EDIL3: variants seen among roughly 807,000 people sequenced by gnomAD.
EDIL3 encodes the protein EGF like and discoidin domains 3.
Under a neutral mutation model 67.4 loss-of-function variants are expected in EDIL3, and 37 were observed. The ratio of observed to expected loss-of-function variants is 0.55; its 90% confidence interval spans 0.42 to 0.72. The LOEUF is 0.72. Ranked by LOEUF, EDIL3 falls within the 30% of genes least tolerant of loss-of-function variation. The pLI is 0.00. For missense variants in EDIL3, 527 were observed against 586.3 expected (o/e 0.90, Z 1.04); for synonymous variants, 195 against 196.3 (o/e 0.99, Z 0.05).
chr5:84,207,779 A>T (rs1233191270), intron 3 of EDIL3, among the ~76,000 whole-genome samples: 29 of 152,166 alleles, frequency 1.9e-4, no homozygotes, highest in African/African-American at 7.0e-4. Context: ...CAAACCTGAA[A>T]AAAACAAGCA....
chr5:84,006,869 C>T (rs961705639), intron 9 of EDIL3, among the ~76,000 whole-genome samples: 2 of 151,768 alleles, frequency 1.3e-5, no homozygotes, highest in African/African-American at 4.8e-5. Context: ...AGCAAAGAAA[C>T]TTATATAAAA....
At chr5:84,377,307 CAAAAAAAAAAAAA>C (rs773972385) in intron 1 of EDIL3, among the ~76,000 whole-genome samples, 3 of 68,092 alleles carry the variant, frequency 4.4e-5, no homozygotes, top group Admixed American at 3.1e-4. Context: ...GACTCCGTCT[CAAAAAAAAAAAAA>C]AAAAAAGAGT....
intron 9 of EDIL3, among the ~76,000 whole-genome samples, chr5:83,989,089 T>C (rs1408882005): frequency 6.6e-6 from 1 of 152,218 alleles, no homozygotes; most frequent in Non-Finnish European, 1.5e-5. Context: ...TTAGCTTTCA[T>C]GTAGTTCAGG....
chr5:84,144,068 C>T (rs1205220832), intron 4 of EDIL3, among the ~76,000 whole-genome samples: 1 of 152,028 alleles, frequency 6.6e-6, no homozygotes, highest in East Asian at 1.9e-4. Flanking sequence ...TATCAATGCA[C>T]AAGTCATGCA....
intron 3 of EDIL3, among the ~76,000 whole-genome samples, chr5:84,192,089 T>C (rs1200953954): frequency 1.3e-5 from 2 of 152,030 alleles, no homozygotes; most frequent in African/African-American, 4.8e-5. Flanking sequence ...AAAAGATTAA[T>C]TGAAGTATTT....
At chr5:84,079,950 C>T (rs922270800) in intron 6 of EDIL3, among the ~76,000 whole-genome samples, 2 of 151,574 alleles carry the variant, frequency 1.3e-5, no homozygotes. Context: ...GCATCATGAA[C>T]ACACCTAAGG....
intron 9 of EDIL3, among the ~76,000 whole-genome samples, chr5:84,057,666 A>G (rs1746473419): frequency 6.6e-6 from 1 of 152,154 alleles, no homozygotes; most frequent in African/African-American, 2.4e-5. Flanking sequence ...GAAATTTTAA[A>G]TGTATCTTTT....
chr5:84,055,695 A>C (rs1014919974), intron 9 of EDIL3, among the ~76,000 whole-genome samples: 3 of 152,206 alleles, frequency 2.0e-5, no homozygotes, highest in African/African-American at 7.2e-5. Context: ...GCAGACAAAA[A>C]ACACATGAAA....
chr5:83,967,512 A>C (rs944564317), intron 9 of EDIL3, among the ~76,000 whole-genome samples: 25 of 152,248 alleles, frequency 1.6e-4, no homozygotes, highest in African/African-American at 6.0e-4. Flanking sequence ...GAGAGGATTA[A>C]ATGATTCAAC....
intron 1 of EDIL3, among the ~76,000 whole-genome samples, chr5:84,305,883 GTAAATAAATAAA>G (rs769566499): frequency 3.7e-4 from 51 of 138,762 alleles, no homozygotes; most frequent in Middle Eastern, 4.0e-3. Flanking sequence ...GGTCTTAAAA[GTAAATAAATAAA>G]TAAATAAATA....
At chr5:84,272,305 T>C (rs1430465032) in intron 1 of EDIL3, among the ~76,000 whole-genome samples, 1 of 151,122 alleles carries the variant, frequency 6.6e-6, no homozygotes, top group African/African-American at 2.4e-5. Flanking sequence ...AACTTCATTG[T>C]CCTAATGTAC....
At chr5:84,141,946 T>TATATAC (rs1303835679) in intron 4 of EDIL3, among the ~76,000 whole-genome samples, 14 of 132,396 alleles carry the variant, frequency 1.1e-4, no homozygotes, top group African/African-American at 3.5e-4. Flanking sequence ...TATATATATA[T>TATATAC]ACATAGATCT....
At chr5:83,982,949 TTC>T (rs1554061922) in intron 9 of EDIL3, among the ~76,000 whole-genome samples, 6 of 152,178 alleles carry the variant, frequency 3.9e-5, no homozygotes, top group African/African-American at 1.4e-4. Flanking sequence ...TCAGTCTGTA[TTC>T]TGTTTCCCAA....
intron 3 of EDIL3, 136 bp downstream of exon 3, chr5:84,229,719 A>C (rs574012136): frequency 9.8e-5 from 85 of 865,770 alleles, no homozygotes; most frequent in Admixed American, 1.8e-4. Flanking sequence ...CTCAGCAAAT[A>C]TAAAAGTAAA....
At chr5:84,203,691 C>T (rs1056176572) in intron 3 of EDIL3, among the ~76,000 whole-genome samples, 3 of 152,220 alleles carry the variant, frequency 2.0e-5, no homozygotes, top group East Asian at 1.9e-4. Context: ...TGTACTCGCA[C>T]AAGTGGCAGT....
chr5:84,018,554 A>G (rs1393154468), intron 9 of EDIL3, among the ~76,000 whole-genome samples: 1 of 152,122 alleles, frequency 6.6e-6, no homozygotes, highest in Non-Finnish European at 1.5e-5. Context: ...TACTATCAAG[A>G]GTCAAAAAGT....
At chr5:84,219,558 TC>T (rs2112398531) in intron 3 of EDIL3, among the ~76,000 whole-genome samples, 1 of 152,276 alleles carries the variant, frequency 6.6e-6, no homozygotes, top group African/African-American at 2.4e-5. Context: ...ATTTGGAGGT[TC>T]CTCAAAAAAC....
chr5:84,058,053 T>G (rs923824854), intron 9 of EDIL3, among the ~76,000 whole-genome samples: 1 of 152,110 alleles, frequency 6.6e-6, no homozygotes, highest in Non-Finnish European at 1.5e-5. Context: ...GAAAGGTATA[T>G]CCGAACTGAA....
At chr5:84,249,483 C>A (rs62363007) in intron 2 of EDIL3, among the ~76,000 whole-genome samples, 1 of 146,044 alleles carries the variant, frequency 6.8e-6, no homozygotes, top group Admixed American at 6.8e-5. Context: ...GTATGTATGT[C>A]TGTCTGTCTA....
Sources: gnomAD v4.1 joint callset for allele counts (sites outside exome capture counted in the v4.1 genomes callset) on GRCh38, gnomAD v4.1.1 for gene constraint, MANE v1.5 for transcripts, NCBI Gene and HGNC (gene_info 2026-07-23, HGNC 2026-07-21) for gene names.